CPT1B: variants seen among roughly 807,000 people sequenced by gnomAD.
CPT1B encodes the protein carnitine palmitoyltransferase 1B, also known as carnitine O-palmitoyltransferase 1, muscle isoform.
A neutral mutation model predicts 92.7 loss-of-function variants in CPT1B; 57 were observed. The ratio of observed to expected loss-of-function variants is 0.62; its 90% CI spans 0.50 to 0.77. CPT1B has a LOEUF of 0.77. CPT1B is among the 30% of genes least tolerant of loss of function. The pLI is 0.00. For missense variants in CPT1B, 983 were observed against 1,017.4 expected, an observed-to-expected ratio of 0.97 and a Z score of 0.46; for synonymous variants, 398 against 383.5, an observed-to-expected ratio of 1.04 and a Z score of -0.44.
Position 50,573,756 on chromosome 22 carries a change from G to A in CPT1B, c.971-41C>T, listed in dbSNP as rs1338802405. The A allele has an allele frequency of 6.3e-7, 1 of 1,577,826 alleles. No homozygotes were observed. The highest frequency in any genetic ancestry group is 8.6e-7 in the Non-Finnish European group (1 of 1,156,648). The stretch of plus-strand genomic sequence containing the variant: ...CGGGCAAGCTGAGGCGGGGCCCCCA[G>A]CTACATCCTGGGAAGGGCCCACCTC... On this transcript the variant is annotated intron_variant, in intron 9 of 19. Transcript: ENST00000312108. The surrounding 1 kb of genome is among the most constrained non-coding windows in gnomAD (Gnocchi z 5.0).
chr22:50,571,754 C>T (rs2070185694), intron 13 of CPT1B: 1 of 652,866 alleles, frequency 1.5e-6, no homozygotes. Context: ...GAAAATGCTC[C>T]AGGGGCCTGT....
At position 50,576,593 on chromosome 22, in the gene CPT1B, G is replaced by A. The variant is rs2070449144; in HGVS notation, c.504C>T (p.Ser168=). Reference sequence around the variant, plus strand: ...GAAGCTTGGGCAGAGATGTCTGGAAGCTGTAGAGCATAGGGTGCCGGCTGG... The same window carrying A: ...GAAGCTTGGGCAGAGATGTCTGGAAACTGTAGAGCATAGGGTGCCGGCTGG... ...LLSSRHPMLY[S]FQTSLPKLPV... Residue 168 remains serine (S), a synonymous_variant, in exon 5 of 20, where the codon AGC becomes AGT. Coordinates refer to ENST00000312108, the MANE Select transcript of CPT1B (RefSeq NM_152246.3). The A allele has an allele frequency of 2.5e-6, 4 of 1,609,748 alleles. No individual in the cohort carries two copies. The highest frequency in any genetic ancestry group is 3.4e-6 in the Non-Finnish European group (4 of 1,178,188).
intron 17 of CPT1B, among the ~76,000 whole-genome samples, chr22:50,569,953 A>C (rs753071354): frequency 1.7e-4 from 26 of 152,160 alleles, no homozygotes; most frequent in Non-Finnish European, 4.4e-5. Context: ...AAGCTAGCCC[A>C]TGTGAAGGTT....
rs986492662 is a variant in CPT1B at position 50,571,886 on chromosome 22, T to C, written c.1575+120A>G. ...GGTATCCTGAGACGTGCCCTGTGCC[T>C]TCCCGAGGGCTGGGCCAGGCAGTGA... On this transcript the variant is annotated intron_variant, in intron 13 of 19. Coordinates refer to ENST00000312108, the MANE Select transcript of CPT1B (RefSeq NM_152246.3). 3.8e-5 allele frequency: 37 copies of C among 981,526 alleles called. 1 individual carries two copies. The South Asian group carries it at 5.0e-4, about 13-fold the overall frequency. 60.8% of individuals were successfully genotyped at this position (981,526 alleles called of 1,614,324 possible). A position where few individuals can be genotyped will look rare whatever the true frequency, so the allele number is the denominator to read the frequency against.
In CPT1B at chr22:50,571,959, C is replaced by T. The variant is rs530667586; in HGVS notation, c.1575+47G>A. ...TCAGGCCTCGTCGGGGCTGTACCCA[C>T]CTGCTGCTTTGTGGTCTCACACCTG... On this transcript the variant is annotated intron_variant, in intron 13 of 19. Coordinates refer to ENST00000312108, the MANE Select transcript of CPT1B (RefSeq NM_152246.3). The T allele has an allele frequency of 7.9e-5, 123 of 1,559,892 alleles. No homozygotes were observed. In the Middle Eastern group the frequency reaches 1.3e-3, roughly 16 times the overall value.
At chr22:50,576,493 C>T in intron 5 of CPT1B, 43 bp downstream of exon 5, 1 of 1,593,210 alleles carries the variant, frequency 6.3e-7, no homozygotes, top group Non-Finnish European at 8.6e-7. Flanking sequence ...TCTCCTGAAT[C>T]CAACCTCCCC....
In CPT1B at chr22:50,573,883, C is replaced by T. The variant is rs1187802302; in HGVS notation, c.971-168G>A. The T allele has an allele frequency of 5.5e-6, 4 of 723,978 alleles. No homozygotes were observed. Among genetic ancestry groups the T allele is most frequent in the Middle Eastern group, 2.3e-4 (1 of 4,410 alleles). The allele number at this position is 723,978 out of a possible 1,614,324, so 44.8% of individuals were successfully genotyped here. On this transcript the variant is annotated intron_variant, in intron 9 of 19. Coordinates refer to ENST00000312108, the MANE Select transcript of CPT1B (RefSeq NM_152246.3). The surrounding 1 kb of genome is among the most constrained non-coding windows in gnomAD (Gnocchi z 5.0). ...CGTGTGTCCTAAACCAGGCCCTGTG[C>T]TGGGTGCTTCCACTCTCTCTCACGC... is the stretch of plus-strand genomic sequence containing the variant.
intron 13 of CPT1B, chr22:50,571,755 A>G: frequency 1.5e-6 from 1 of 652,096 alleles, no homozygotes; most frequent in Non-Finnish European, 2.6e-6. Flanking sequence ...AAAATGCTCC[A>G]GGGGCCTGTG....
In CPT1B at chr22:50,574,527, T is replaced by C. The variant is rs1213966936; in HGVS notation, c.851A>G (p.Tyr284Cys). The C allele has an allele frequency of 1.3e-5, 21 of 1,614,056 alleles. No individual in the cohort carries two copies. The highest frequency in any genetic ancestry group is 1.6e-5 in the Non-Finnish European group (19 of 1,180,038). ...TTCTTCACGGTCCAGTTTACGGCGA[T>C]ACATGATCATGGCGTGGATGATGTT... ...LGNIIHAMIM[Y>C]RRKLDREEIK... The change falls in exon 8 of 20, where the codon TAT becomes TGT. Residue 284 changes from tyrosine (Y) to cysteine (C), a missense_variant. Physicochemically the swap from Tyr to Cys is radical, Grantham distance 194. Transcript: ENST00000312108.
At chr22:50,572,815 C>T in intron 11 of CPT1B, 60 bp downstream of exon 11, 1 of 1,545,408 alleles carries the variant, frequency 6.5e-7, no homozygotes, top group African/African-American at 1.4e-5. Flanking sequence ...CTTTAATCCT[C>T]TAACCATAAC....
intron 3 of CPT1B, 26 bp downstream of exon 3, chr22:50,577,298 T>C: frequency 6.2e-7 from 1 of 1,612,582 alleles, no homozygotes; most frequent in Non-Finnish European, 8.5e-7. Flanking sequence ...TGGTGGCACC[T>C]GTGCCCTTCC....
At chr22:50,578,182 G>C (rs1056554949) in intron 1 of CPT1B, 1 of 160,420 alleles carries the variant, frequency 6.2e-6, no homozygotes, top group Non-Finnish European at 1.4e-5. Context: ...GGACGGCGAA[G>C]GGCAGCCTGG....
intron 13 of CPT1B, 21 bp downstream of exon 13, chr22:50,571,985 C>T (rs372433631): frequency 6.2e-6 from 10 of 1,607,222 alleles, no homozygotes; most frequent in African/African-American, 1.3e-5. Context: ...CTCACACCTG[C>T]TCTGGGAGCT....
At position 50,571,013 on chromosome 22, in the gene CPT1B, C is replaced by A. The variant is rs779303402; in HGVS notation, c.1906G>T (p.Ala636Ser). ...TACATATTCTGGTGCTTCTTAGCAG[C>A]CTTCTGGAAGAGATCTCGCAGGTCT... ...KADLRDLFQK[A>S]AKKHQNMYRL... The change falls in exon 16 of 20, where the codon GCT (alanine) becomes TCT (serine). Residue 636 changes from alanine (A) to serine (S), a missense_variant. Transcript: ENST00000312108. 3.1e-6 allele frequency: 5 copies of A among 1,613,916 alleles called. No homozygotes were observed.
intron 7 of CPT1B, among the ~76,000 whole-genome samples, chr22:50,575,225 G>T (rs145213195): frequency 9.2e-5 from 14 of 152,272 alleles, no homozygotes; most frequent in African/African-American, 3.4e-4. Flanking sequence ...GTGTTAGGAT[G>T]CTCTCGATCT....
chr22:50,574,161 G>A (rs1169860905), intron 9 of CPT1B, among the ~76,000 whole-genome samples, 174 bp downstream of exon 9: 1 of 152,220 alleles, frequency 6.6e-6, no homozygotes, highest in Admixed American at 6.5e-5. Flanking sequence ...GGGCCCTGTG[G>A]GGTCCCTGCG....
At chr22:50,578,008 G>T in intron 1 of CPT1B, 74 bp from the exon 2 acceptor site, 2 of 1,124,800 alleles carry the variant, frequency 1.8e-6, no homozygotes, top group Non-Finnish European at 2.3e-6. Context: ...GACGCCCCCA[G>T]CCAGTCCGCG....
In CPT1B at chr22:50,573,443, G is replaced by A. The variant is rs1378604072; in HGVS notation, c.1166+77C>T. The A allele has an allele frequency of 2.3e-6, 3 of 1,311,228 alleles. No individual in the cohort carries two copies. The highest frequency in any genetic ancestry group is 3.1e-6 in the Non-Finnish European group (3 of 954,564). 81.2% of individuals were successfully genotyped at this position (1,311,228 alleles called of 1,614,324 possible). ...TGCCTCCAGCCTCCAGTTCCAGGGTGGCAGGCAGGGCCACGCTCCTCTCCT... is the reference window on the plus strand; with the variant it reads ...TGCCTCCAGCCTCCAGTTCCAGGGTAGCAGGCAGGGCCACGCTCCTCTCCT... On this transcript the variant is annotated intron_variant, in intron 10 of 19. Transcript: ENST00000312108. The surrounding 1 kb of genome is among the most constrained non-coding windows in gnomAD (Gnocchi z 5.0).
In CPT1B at chr22:50,571,364, G is replaced by A. The variant is rs375637448; in HGVS notation, c.1740+11C>T. ...CCCTGCCCTCTCAGCAGCGGGAGGCGGGGCTCCTACCCGGAAGTGAGCCAG... is the reference window on the plus strand; with the variant it reads ...CCCTGCCCTCTCAGCAGCGGGAGGCAGGGCTCCTACCCGGAAGTGAGCCAG... On this transcript the variant is annotated intron_variant, in intron 14 of 19. Coordinates refer to ENST00000312108, the MANE Select transcript of CPT1B (RefSeq NM_152246.3). 9.2e-5 allele frequency: 149 copies of A among 1,613,648 alleles called. No homozygotes were observed. The Middle Eastern group carries it at 2.3e-3, about 25-fold the overall frequency.
Sources: gnomAD v4.1 joint callset for allele counts (sites outside exome capture counted in the v4.1 genomes callset) on GRCh38, gnomAD v4.1.1 for gene constraint, Gnocchi (gnomAD v3.1) non-coding constraint, MANE v1.5 for transcripts, NCBI Gene and HGNC (gene_info 2026-07-23, HGNC 2026-07-21) for gene names.